OBI1: variants seen among roughly 807,000 people sequenced by gnomAD.
OBI1 encodes ring finger protein 219.
In OBI1, 59 loss-of-function variants were observed where a neutral mutation model predicts 62.4. That is an observed-to-expected ratio of 0.95 (90% confidence interval 0.77 to 1.17). OBI1 has a LOEUF of 1.17. Ranked by LOEUF, OBI1 falls within the 50% of genes most tolerant of loss-of-function variation. OBI1 has a pLI of 0.00. For missense variants in OBI1, 875 were observed against 830.9 expected, an observed-to-expected ratio of 1.05 and a Z score of -0.65; for synonymous variants, 302 against 292.8, an observed-to-expected ratio of 1.03 and a Z score of -0.32.
intron 3 of OBI1, among the ~76,000 whole-genome samples, chr13:78,639,976 A>C (rs1029230423): frequency 6.6e-6 from 1 of 151,940 alleles, no homozygotes; most frequent in Non-Finnish European, 1.5e-5. Flanking sequence ...CATGTACCCT[A>C]AAACTTAAAG....
chr13:78,635,286 G>C, intron 4 of OBI1, 88 bp from the exon 5 acceptor site: 1 of 763,662 alleles, frequency 1.3e-6, no homozygotes, highest in Admixed American at 2.4e-5. Context: ...GTATTTTTTA[G>C]AGTGATAATA....
intron 5 of OBI1, among the ~76,000 whole-genome samples, chr13:78,631,850 G>A (rs1435490657): frequency 6.6e-6 from 1 of 152,098 alleles, no homozygotes; most frequent in African/African-American, 2.4e-5. Flanking sequence ...TATAGCAGAG[G>A]AGACAAATGA....
rs979643796 is a variant in OBI1, at chr13:78,659,036, A to G, written c.72+13T>C. 6.2e-7 allele frequency: 1 copy of G among 1,611,356 alleles called. No individual in the cohort carries two copies. Among genetic ancestry groups the G allele is most frequent in the African/African-American group, 1.3e-5 (1 of 74,834 alleles). The stretch of plus-strand genomic sequence containing the variant: ...AACCCCGTTTTGTAGCTGTGCCCAC[A>G]ATCACCCATTACCTTCCCCAAGCAA... On this transcript the variant is annotated intron_variant, in intron 1 of 5. Coordinates refer to ENST00000282003, the MANE Select transcript of OBI1 (RefSeq NM_024546.4).
At position 78,616,089 on chromosome 13, in the gene OBI1, C is replaced by T. The variant is rs747936802; in HGVS notation, c.1672G>A (p.Gly558Ser). The change falls in exon 6 of 6, where the codon GGT becomes AGT. Residue 558 changes from glycine to serine, a missense_variant. Physicochemically the swap from Gly to Ser is moderately conservative, Grantham distance 56. Transcript: ENST00000282003. Reference sequence around the variant, plus strand: ...CCATCCAAATCCAGTGACTTAAAACCGTTATTACAAGGGCTCTTGCTGTTG... The same window carrying T: ...CCATCCAAATCCAGTGACTTAAAACTGTTATTACAAGGGCTCTTGCTGTTG... Reference protein sequence around the residue: ...SDNSKSPCNNGFKSLDLDGLS... With the variant: ...SDNSKSPCNNSFKSLDLDGLS... The T allele has an allele frequency of 3.7e-6, 6 of 1,613,976 alleles. No homozygotes were observed. Among genetic ancestry groups the T allele is most frequent in the Admixed American group, 3.3e-5 (2 of 60,004 alleles).
At chr13:78,644,729 T>A in intron 2 of OBI1, 133 bp downstream of exon 2, 1 of 960,918 alleles carries the variant, frequency 1.0e-6, no homozygotes, top group Non-Finnish European at 1.6e-6. Context: ...ATTACACAAA[T>A]TACTCAACCA....
Position 78,616,780 on chromosome 13 carries a change from C to T in OBI1, c.981G>A (p.Arg327=), listed in dbSNP as rs760364800. 1 of 1,614,178 alleles carries T rather than the reference C, an allele frequency of 6.2e-7. No homozygotes were observed. Among genetic ancestry groups the T allele is most frequent in the Non-Finnish European group, 8.5e-7 (1 of 1,180,014 alleles). ...SSRLCDTSSA[R]QESTSKADLN... ...GGTCTGCTTTGCTGGTACTTTCCTG[C>T]CTTGCAGAACTGGTGTCACACAGTC... The change falls in exon 6 of 6, where the codon AGG becomes AGA. Residue 327 remains arginine, a synonymous_variant. Transcript: ENST00000282003.
At chr13:78,621,074 T>TA (rs1333337989) in intron 5 of OBI1, among the ~76,000 whole-genome samples, 1 of 152,224 alleles carries the variant, frequency 6.6e-6, no homozygotes, top group Non-Finnish European at 1.5e-5. Flanking sequence ...TGACTTTATA[T>TA]GTTTCCCTCA....
At chr13:78,633,017 AAC>A (rs1233946530) in intron 5 of OBI1, among the ~76,000 whole-genome samples, 1 of 152,198 alleles carries the variant, frequency 6.6e-6, no homozygotes. Flanking sequence ...GATATTTTAA[AAC>A]ACACATCCTT....
intron 5 of OBI1, among the ~76,000 whole-genome samples, chr13:78,629,192 A>G (rs1875772427): frequency 6.6e-6 from 1 of 152,094 alleles, no homozygotes. Flanking sequence ...ACTTGTCCAT[A>G]ATGACAAGCC....
chr13:78,624,836 G>C (rs978447691), intron 5 of OBI1, among the ~76,000 whole-genome samples: 1 of 152,106 alleles, frequency 6.6e-6, no homozygotes, highest in Non-Finnish European at 1.5e-5. Context: ...TGTGGCAATT[G>C]GAACATGGTC....
Position 78,616,239 on chromosome 13 carries a change from A to G in OBI1, c.1522T>C (p.Ser508Pro), listed in dbSNP as rs770792919. ...KLSEKSGLCL[S>P]KRLNSIRSFE... The stretch of plus-strand genomic sequence containing the variant: ...GAGCGAATAGAATTCAACCTTTTGG[A>G]TAAACATAAGCCTGATTTCTCACTC... Residue 508 changes from serine to proline, a missense_variant, in exon 6 of 6, where the codon TCC becomes CCC. Physicochemically the swap from Ser to Pro is moderately conservative, Grantham distance 74. Coordinates refer to ENST00000282003, the MANE Select transcript of OBI1 (RefSeq NM_024546.4). 2.5e-6 allele frequency: 4 copies of G among 1,613,934 alleles called. No individual in the cohort carries two copies. Among genetic ancestry groups the G allele is most frequent in the Non-Finnish European group, 3.4e-6 (4 of 1,179,894 alleles).
Position 78,639,053 on chromosome 13 carries a change from G to A in OBI1, c.319C>T (p.Gln107Ter), listed in dbSNP as rs961492279. The A allele has an allele frequency of 6.2e-7, 1 of 1,612,816 alleles. No individual in the cohort carries two copies. The highest frequency in any genetic ancestry group is 8.5e-7 in the Non-Finnish European group (1 of 1,179,672). ...CTCTTAAGCTCTTCTACTTCTTTCT[G>A]TAAACAATCTATTTCGTCCTGAAAA... ...KEYEDEIDCL[Q>*]KEVEELKSKN... is the part of the protein sequence containing the mutation. Residue 107 changes from glutamine to a stop codon, truncating the protein, a stop_gained, in exon 4 of 6, where the codon CAG (glutamine) becomes TAG (stop). Transcript: ENST00000282003. LOFTEE classifies it high-confidence loss of function.
chr13:78,617,816 T>C (rs1430862232), intron 5 of OBI1, among the ~76,000 whole-genome samples: 3 of 152,066 alleles, frequency 2.0e-5, no homozygotes, highest in Admixed American at 6.6e-5. Context: ...TCAGTGCTTG[T>C]GATTCCAATA....
At chr13:78,623,221 G>A (rs1006423189) in intron 5 of OBI1, among the ~76,000 whole-genome samples, 3 of 150,294 alleles carry the variant, frequency 2.0e-5, no homozygotes, top group Admixed American at 6.6e-5. Flanking sequence ...CTAGTCACAC[G>A]CGTTGGTTCC....
intron 5 of OBI1, among the ~76,000 whole-genome samples, chr13:78,618,229 G>T (rs1875383384): frequency 6.6e-6 from 1 of 151,994 alleles, no homozygotes; most frequent in Non-Finnish European, 1.5e-5. Flanking sequence ...TCTTTTTGAT[G>T]ATTTATATAT....
In OBI1 at chr13:78,638,842, T is replaced by G; in HGVS notation, c.530A>C (p.Asp177Ala). ...ACTTACCTCCTTTAGCTTATCCACA[T>G]CATCTTTCACTTTTTCATAGATTTC... ...ANEIYEKVKDDVDKLKEANKK... is the reference protein window; with the variant it reads ...ANEIYEKVKDAVDKLKEANKK... Residue 177 changes from aspartate to alanine, a missense_variant, in exon 4 of 6, where the codon GAT becomes GCT. Transcript: ENST00000282003. 6.2e-7 allele frequency: 1 copy of G among 1,613,124 alleles called. No individual in the cohort carries two copies. The highest frequency in any genetic ancestry group is 8.5e-7 in the Non-Finnish European group (1 of 1,179,738).
Position 78,638,867 on chromosome 13 carries a change from C to A in OBI1, c.505G>T (p.Glu169Ter), listed in dbSNP as rs765531375. ...TCATCTTTCACTTTTTCATAGATTT[C>A]ATTAGCTGTTCTGAGTTTTTTCTTC... ...EWKKKLRTANEIYEKVKDDVD... is the reference protein window; with the variant it reads ...EWKKKLRTAN The change falls in exon 4 of 6, where the codon GAA becomes TAA. Residue 169 changes from glutamate (E) to a stop codon, truncating the protein, a stop_gained. Transcript: ENST00000282003. LOFTEE classifies it high-confidence loss of function. 6.2e-7 allele frequency: 1 copy of A among 1,613,536 alleles called. No homozygotes were observed. The highest frequency in any genetic ancestry group is 8.5e-7 in the Non-Finnish European group (1 of 1,179,860).
chr13:78,637,511 T>C (rs1419386852), intron 4 of OBI1, among the ~76,000 whole-genome samples: 1 of 152,198 alleles, frequency 6.6e-6, no homozygotes, highest in East Asian at 1.9e-4. Context: ...CTAAGAAATA[T>C]TTACTGCCAA....
intron 5 of OBI1, chr13:78,620,566 C>T: frequency 4.4e-6 from 2 of 455,064 alleles, no homozygotes; most frequent in South Asian, 1.6e-5. Flanking sequence ...CTAACAGAAG[C>T]TTAAAGGATT....
Sources: allele counts gnomAD v4.1 joint callset (sites outside exome capture counted in the v4.1 genomes callset), GRCh38; gene constraint gnomAD v4.1.1; transcripts MANE v1.5; gene names NCBI Gene and HGNC (gene_info 2026-07-23, HGNC 2026-07-21).